PMM2: variants seen among roughly 807,000 people sequenced by gnomAD.
The protein encoded by PMM2 is mannose-6-phosphate isomerase.
A neutral mutation model predicts 33.2 loss-of-function variants in PMM2; 35 were observed. That is an observed-to-expected ratio of 1.06 (90% CI 0.81 to 1.40). The LOEUF is 1.40. PMM2 is among the 40% of genes most tolerant of loss of function. PMM2 has a pLI of 0.00. For synonymous variants in PMM2, 153 were observed against 114.7 expected (o/e 1.33, Z -2.13); for missense variants, 386 against 306.0 (o/e 1.26, Z -1.95).
chr16:8,816,026 G>A (rs1339330393), intron 7 of PMM2, among the ~76,000 whole-genome samples: 2 of 151,886 alleles, frequency 1.3e-5, no homozygotes, highest in African/African-American at 4.8e-5. Context: ...AAGACATGCA[G>A]ATGGCCAGTG....
rs753122961 is a variant in PMM2, at chr16:8,801,890, A to AG, written c.160dup (p.Glu54GlyfsTer6). The AG allele has an allele frequency of 6.8e-6, 11 of 1,608,612 alleles. No individual in the cohort carries two copies. Among genetic ancestry groups the AG allele is most frequent in the Non-Finnish European group, 8.5e-6 (10 of 1,175,622 alleles). On this transcript the variant is annotated frameshift_variant, in exon 2 of 8. Coordinates refer to ENST00000268261, the MANE Select transcript of PMM2 (RefSeq NM_000303.3). LOFTEE classifies it high-confidence loss of function. Reference sequence around the variant, plus strand: ...GGCGGATCGGACTTTGAGAAAGTGCAGGAGCAACTGGGAAATGATGGTAAA... The same window carrying AG: ...GGCGGATCGGACTTTGAGAAAGTGCAGGGAGCAACTGGGAAATGATGGTAAA...
intron 7 of PMM2, among the ~76,000 whole-genome samples, chr16:8,843,139 T>C (rs886731686): frequency 4.6e-5 from 7 of 151,618 alleles, no homozygotes; most frequent in Non-Finnish European, 1.0e-4. Context: ...GGCACCAGAG[T>C]TGGGGAGTTT....
intron 7 of PMM2, among the ~76,000 whole-genome samples, chr16:8,813,948 C>T (rs143799390): frequency 0.047 from 6,969 of 147,158 alleles, 240 homozygotes; most frequent in Middle Eastern, 0.15. Context: ...CTCACTGCAA[C>T]CTCTGCCTCC....
At chr16:8,817,145 A>C (rs8056319) in intron 7 of PMM2, among the ~76,000 whole-genome samples, 5,311 of 152,298 alleles carry the variant, frequency 0.035, 291 homozygotes, top group African/African-American at 0.12. Flanking sequence ...GTGGGGTAGA[A>C]AGATCTTGTT....
At chr16:8,836,104 T>C (rs1049831309) in intron 7 of PMM2, among the ~76,000 whole-genome samples, 2 of 151,564 alleles carry the variant, frequency 1.3e-5, no homozygotes, top group African/African-American at 2.4e-5. Flanking sequence ...TGGCCGTCAA[T>C]ACCCACAACA....
chr16:8,822,411 A>G (rs1399193664), intron 7 of PMM2, among the ~76,000 whole-genome samples: 1 of 152,234 alleles, frequency 6.6e-6, no homozygotes, highest in East Asian at 1.9e-4. Context: ...CTACAAAGGC[A>G]GACTGGTCCC....
chr16:8,823,449 A>C (rs550783416), intron 7 of PMM2, among the ~76,000 whole-genome samples: 1 of 152,302 alleles, frequency 6.6e-6, no homozygotes, highest in East Asian at 1.9e-4. Context: ...GTTTTTTGAA[A>C]CACTTTTTTC....
chr16:8,798,626 A>C (rs535583006), intron 1 of PMM2, among the ~76,000 whole-genome samples: 3 of 152,322 alleles, frequency 2.0e-5, no homozygotes, highest in African/African-American at 7.2e-5. Context: ...AGGTTATTAC[A>C]GGCTGCCCGC....
At chr16:8,802,025 T>C in intron 2 of PMM2, 115 bp downstream of exon 2, 2 of 737,860 alleles carry the variant, frequency 2.7e-6, no homozygotes, top group Admixed American at 2.1e-5. Flanking sequence ...GGCTTTCTGC[T>C]TCCTTTTTTG....
chr16:8,823,240 C>T (rs1297405120), intron 7 of PMM2, among the ~76,000 whole-genome samples: 1 of 152,074 alleles, frequency 6.6e-6, no homozygotes, highest in African/African-American at 2.4e-5. Context: ...AAAGAATAAG[C>T]TTCAGCTTGC....
chr16:8,834,981 G>A (rs552142525), intron 7 of PMM2, among the ~76,000 whole-genome samples: 139 of 152,054 alleles, frequency 9.1e-4, no homozygotes, highest in African/African-American at 3.2e-3. Flanking sequence ...TGAAGGAGCC[G>A]GGGAGCAGAA....
intron 2 of PMM2, among the ~76,000 whole-genome samples, chr16:8,803,034 C>G (rs1265773163): frequency 6.6e-6 from 1 of 152,046 alleles, no homozygotes; most frequent in African/African-American, 2.4e-5. Flanking sequence ...CATCCCAGGC[C>G]TCTACCCACT....
chr16:8,847,842 G>A lies in PMM2; in HGVS notation c.*17G>A, dbSNP rs9936097. 1.6e-3 allele frequency: 2,486 copies of A among 1,589,946 alleles called. 29 individuals carry two copies. In the African/African-American group the frequency reaches 0.03, roughly 19 times the overall value. On this transcript the variant is annotated 3_prime_UTR_variant, in exon 8 of 8. Transcript: ENST00000268261. The stretch of plus-strand genomic sequence containing the variant: ...TTCTCCTAACGTGGGAGCGGGAGGG[G>A]CGGGGTCCCGGCTGACAAGCCAGCA...
intron 7 of PMM2, among the ~76,000 whole-genome samples, chr16:8,818,875 G>C (rs962968001): frequency 2.0e-5 from 3 of 149,620 alleles, no homozygotes; most frequent in African/African-American, 5.1e-5. Context: ...GTTGCAGAGA[G>C]AGAGAGACGG....
chr16:8,806,641 G>T (rs2060649966), intron 4 of PMM2: 2 of 570,378 alleles, frequency 3.5e-6, no homozygotes, highest in African/African-American at 3.8e-5. Context: ...GCAGGGTTCA[G>T]TAGCCACCAT....
intron 7 of PMM2, among the ~76,000 whole-genome samples, chr16:8,835,857 T>C (rs1420703354): frequency 6.6e-6 from 1 of 151,808 alleles, no homozygotes; most frequent in African/African-American, 2.4e-5. Flanking sequence ...AGGTATCTTA[T>C]ACTTGTGGGT....
chr16:8,842,729 A>T (rs1388009264), intron 7 of PMM2, among the ~76,000 whole-genome samples: 1 of 152,218 alleles, frequency 6.6e-6, no homozygotes, highest in African/African-American at 2.4e-5. Context: ...CTGGACAGGT[A>T]AAATGGGGGG....
At position 8,846,612 on chromosome 16, in the gene PMM2, C is replaced by T. The variant is rs142592080; in HGVS notation, c.640-1112C>T. Among the ~76,000 whole-genome samples, 946 of 152,174 alleles carry T rather than the reference C, an allele frequency of 6.2e-3. 6 individuals carry two copies. The highest frequency in any genetic ancestry group is 0.01 in the Admixed American group (159 of 15,290). On this transcript the variant is annotated intron_variant, in intron 7 of 7. Transcript: ENST00000268261. ...GGACCCCAGCAGAACATGCCCAGGTCCTCCTAGACATGGGCCCTTGCAGAC... is the reference window on the plus strand; with the variant it reads ...GGACCCCAGCAGAACATGCCCAGGTTCTCCTAGACATGGGCCCTTGCAGAC...
At chr16:8,812,590 G>A (rs67497537) in intron 6 of PMM2, among the ~76,000 whole-genome samples, 33,566 of 152,008 alleles carry the variant, frequency 0.22, 4,191 homozygotes, top group South Asian at 0.33. Context: ...CATTTTTCCC[G>A]CAAAATATGC....
Sources: allele counts gnomAD v4.1 joint callset (sites outside exome capture counted in the v4.1 genomes callset), GRCh38; gene constraint gnomAD v4.1.1; transcripts MANE v1.5; gene names NCBI Gene and HGNC (gene_info 2026-07-23, HGNC 2026-07-21).